LINGO2: variants seen among roughly 807,000 people sequenced by gnomAD.
LINGO2 encodes the protein leucine-rich repeat and immunoglobulin-like domain-containing nogo receptor-interacting protein 2.
In LINGO2, 14 loss-of-function variants were observed where a neutral mutation model predicts 30.6. The ratio of observed to expected loss-of-function variants is 0.46; its 90% confidence interval spans 0.30 to 0.72. The LOEUF (loss-of-function observed/expected upper bound fraction) is 0.72. Among genes scored for constraint, LINGO2 ranks in the 30% least tolerant of loss-of-function variants. The probability of loss-of-function intolerance (pLI) is 0.07; values close to 1 mark genes in which losing one functional copy is unlikely to be tolerated. For missense variants in LINGO2, 729 were observed against 751.7 expected, an observed-to-expected ratio of 0.97 and a Z score of 0.35; for synonymous variants, 317 against 288.5, an observed-to-expected ratio of 1.10 and a Z score of -1.00.
Position 28,013,831 on chromosome 9 carries a change from G to A in LINGO2, c.-86-1426C>T, listed in dbSNP as rs143290860. 7.6e-4 allele frequency among the ~76,000 whole-genome samples: 115 copies of A among 152,268 alleles called. No homozygotes were observed. In the East Asian group the frequency reaches 0.015, roughly 20 times the overall value. On this transcript the variant is annotated intron_variant, in intron 4 of 5. Transcript: ENST00000379992. ...CTTTATCCTCTTAGCACATGAAATTGGAAGATGATAGGGTTTTAACTAGTT... is the reference window on the plus strand; with the variant it reads ...CTTTATCCTCTTAGCACATGAAATTAGAAGATGATAGGGTTTTAACTAGTT...
intron 4 of LINGO2, among the ~76,000 whole-genome samples, chr9:28,154,186 G>C: frequency 6.6e-6 from 1 of 152,232 alleles, no homozygotes; most frequent in East Asian, 1.9e-4. Flanking sequence ...GGTTGGATGA[G>C]GGAATCCACA....
the LINGO2 span, among the ~76,000 whole-genome samples, chr9:28,993,112 C>A: frequency 6.6e-6 from 1 of 152,092 alleles, no homozygotes; most frequent in Non-Finnish European, 1.5e-5. Flanking sequence ...AATTGACAGA[C>A]CGCTAGCAAG....
intron 1 of LINGO2, among the ~76,000 whole-genome samples, chr9:28,519,035 G>GT (rs1820732947): frequency 6.6e-6 from 1 of 151,788 alleles, no homozygotes; most frequent in South Asian, 2.1e-4. Context: ...TGTTTTGTTT[G>GT]TTTTTTGTGT....
the LINGO2 span, among the ~76,000 whole-genome samples, chr9:28,817,577 T>C: frequency 2.6e-5 from 4 of 152,222 alleles, no homozygotes; most frequent in African/African-American, 9.6e-5. Context: ...ATAGCAGAGA[T>C]CTGCTTCTCT....
chr9:28,805,057 A>C, the LINGO2 span, among the ~76,000 whole-genome samples: 2 of 152,116 alleles, frequency 1.3e-5, no homozygotes, highest in Non-Finnish European at 2.9e-5. Flanking sequence ...ATCTGTCAAC[A>C]CTGGTCCCAA....
intron 4 of LINGO2, among the ~76,000 whole-genome samples, chr9:28,044,821 C>T (rs960895899): frequency 6.6e-6 from 1 of 152,044 alleles, no homozygotes; most frequent in African/African-American, 2.4e-5. Flanking sequence ...GAGACTTTTC[C>T]GTAGGTTGAA....
chr9:28,413,597 T>C (rs766790527), intron 2 of LINGO2, among the ~76,000 whole-genome samples: 5 of 152,106 alleles, frequency 3.3e-5, no homozygotes, highest in Non-Finnish European at 7.4e-5. Context: ...AGACTCTTAC[T>C]GTCATCTTCT....
At chr9:28,794,327 A>C in the LINGO2 span, among the ~76,000 whole-genome samples, 1 of 151,930 alleles carries the variant, frequency 6.6e-6, no homozygotes, top group African/African-American at 2.4e-5. Context: ...ACAAAACCAA[A>C]ACACACACAC....
At chr9:28,723,033 C>T in the LINGO2 span, among the ~76,000 whole-genome samples, 5 of 152,104 alleles carry the variant, frequency 3.3e-5, no homozygotes, top group African/African-American at 1.2e-4. Context: ...TCTCTGGTGG[C>T]AAACTTGAGC....
intron 4 of LINGO2, among the ~76,000 whole-genome samples, chr9:28,168,883 T>TA (rs1290081078): frequency 6.6e-6 from 1 of 152,264 alleles, no homozygotes. Context: ...TGTGTGGCTT[T>TA]GCCACCCAGC....
rs971191553 is a variant in LINGO2, at chr9:28,033,492, G to T, written c.-86-21087C>A. Among the ~76,000 whole-genome samples the T allele has an allele frequency of 7.9e-5, 12 of 152,170 alleles. No homozygotes were observed. The East Asian group carries it at 2.3e-3, about 29-fold the overall frequency. ...CAACAGCTTTAGTTGGTGGGAAGGG[G>T]AGGCAGAGCACTAGGAGAATAAACT... On this transcript the variant is annotated intron_variant, in intron 4 of 5. Transcript: ENST00000379992.
At chr9:28,000,792 A>G (rs1821910577) in intron 5 of LINGO2, among the ~76,000 whole-genome samples, 1 of 152,194 alleles carries the variant, frequency 6.6e-6, no homozygotes, top group East Asian at 1.9e-4. Context: ...TATTCTCATA[A>G]TTATTCTTCA....
At chr9:28,123,047 A>G (rs1394363183) in intron 4 of LINGO2, among the ~76,000 whole-genome samples, 2 of 152,062 alleles carry the variant, frequency 1.3e-5, no homozygotes, top group Non-Finnish European at 2.9e-5. Flanking sequence ...GCATTTGAAA[A>G]ATACTAAGTT....
chr9:28,581,597 T>C (rs1321230458), intron 1 of LINGO2, among the ~76,000 whole-genome samples: 1 of 151,638 alleles, frequency 6.6e-6, no homozygotes, highest in Non-Finnish European at 1.5e-5. Flanking sequence ...TTTAATAATA[T>C]GTCAATTATT....
chr9:28,882,391 T>C, the LINGO2 span, among the ~76,000 whole-genome samples: 1 of 152,196 alleles, frequency 6.6e-6, no homozygotes, highest in Admixed American at 6.5e-5. Context: ...TTTGCTAGTA[T>C]ATCAGGATTA....
the LINGO2 span, among the ~76,000 whole-genome samples, chr9:28,837,681 T>TATATATATA: frequency 5.9e-4 from 77 of 130,736 alleles, no homozygotes; most frequent in Middle Eastern, 4.1e-3. Context: ...TATATATATA[T>TATATATATA]TTAGGATAAC....
chr9:28,660,784 C>A (rs1828554507), intron 1 of LINGO2, among the ~76,000 whole-genome samples: 1 of 151,826 alleles, frequency 6.6e-6, no homozygotes. Flanking sequence ...CCTCCATAGT[C>A]AATAAAACCA....
the LINGO2 span, among the ~76,000 whole-genome samples, chr9:29,129,295 T>C: frequency 3.9e-5 from 6 of 152,166 alleles, no homozygotes; most frequent in Non-Finnish European, 5.9e-5. Context: ...TAGTGTTTCA[T>C]ATCTCAGTTT....
chr9:28,139,601 C>T (rs528164658), intron 4 of LINGO2, among the ~76,000 whole-genome samples: 1 of 152,086 alleles, frequency 6.6e-6, no homozygotes, highest in South Asian at 2.1e-4. Flanking sequence ...TCAGTTGGTC[C>T]TTTTCATTGA....
Sources: gnomAD v4.1 joint callset for allele counts (sites outside exome capture counted in the v4.1 genomes callset) on GRCh38, gnomAD v4.1.1 for gene constraint, MANE v1.5 for transcripts, NCBI Gene and HGNC (gene_info 2026-07-23, HGNC 2026-07-21) for gene names.